CDCA7: variants seen among roughly 807,000 people sequenced by gnomAD.
CDCA7 encodes cell division cycle associated 7.
A neutral mutation model predicts 54.0 loss-of-function variants in CDCA7; 28 were observed. The observed-to-expected ratio is 0.52, with a 90% CI of 0.38 to 0.71. The LOEUF is 0.71. Ranked by LOEUF, CDCA7 falls within the 30% of genes least tolerant of loss-of-function variation. The probability of loss-of-function intolerance (pLI) is 0.00; values close to 1 mark genes in which losing one functional copy is unlikely to be tolerated. For missense variants in CDCA7, 484 were observed against 586.0 expected, an observed-to-expected ratio of 0.83 and a Z score of 1.80; for synonymous variants, 180 against 208.2, an observed-to-expected ratio of 0.86 and a Z score of 1.16.
chr2:173,362,183 TA>T (rs1294281019), intron 3 of CDCA7, among the ~76,000 whole-genome samples: 1 of 152,228 alleles, frequency 6.6e-6, no homozygotes, highest in Non-Finnish European at 1.5e-5. Flanking sequence ...GATGAAAACC[TA>T]TATTACTTTT....
Position 173,364,922 on chromosome 2 carries a change from A to T in CDCA7, c.827A>T (p.Glu276Val), listed in dbSNP as rs535908062. The T allele has an allele frequency of 6.2e-7, 1 of 1,600,376 alleles. No homozygotes were observed. The highest frequency in any genetic ancestry group is 1.3e-5 in the African/African-American group (1 of 74,168). Residue 276 changes from glutamate (E) to valine (V), a missense_variant, in exon 6 of 10, where the codon GAG becomes GTG. By Grantham distance (121) the Glu-to-Val change is moderately radical. Around this residue, in one of 3 missense-constraint regions of CDCA7, gnomAD observed 398 missense variants for 447.4 expected, o/e 0.89. Coordinates refer to ENST00000306721, the MANE Select transcript of CDCA7 (RefSeq NM_031942.5). Reference protein sequence around the residue: ...ILGSLDALPMEEEEEEDKYML... With the variant: ...ILGSLDALPMVEEEEEDKYML... Reference sequence around the variant, plus strand: ...GGGTCCCTTGACGCTCTACCCATGGAGGAGGAGGAGGAAGAGGATAAGTAC... The same window carrying T: ...GGGTCCCTTGACGCTCTACCCATGGTGGAGGAGGAGGAAGAGGATAAGTAC...
chr2:173,368,324 A>G lies in CDCA7; in HGVS notation c.*660A>G, dbSNP rs1435805898. On this transcript the variant is annotated 3_prime_UTR_variant, in exon 10 of 10. Transcript: ENST00000306721. ...CGTCCAGCTTACACAATCATAATTCAAAGGTTGGTGGGCAATGTAATACTT... is the reference window on the plus strand; with the variant it reads ...CGTCCAGCTTACACAATCATAATTCGAAGGTTGGTGGGCAATGTAATACTT... 2.6e-5 allele frequency: 4 copies of G among 152,248 alleles called. No individual in the cohort carries two copies. Among genetic ancestry groups the G allele is most frequent in the Non-Finnish European group, 4.4e-5 (3 of 68,074 alleles). The allele number at this position is 152,248 out of a possible 1,614,324, so 9.4% of individuals were successfully genotyped here.
rs1686704241 is a variant in CDCA7, at chr2:173,365,544, G to A, written c.987G>A (p.Leu329=). The change falls in exon 7 of 10, where the codon TTG becomes TTA. Residue 329 remains leucine (L), a synonymous_variant. Transcript: ENST00000306721. The part of the protein sequence containing the change: ...RPVEEITEEE[L]ENVCSNSREK... ...TGGAAGAAATTACAGAGGAGGAGTT[G>A]GAGAACGTCTGCAGCAATTCTCGAG... is the stretch of plus-strand genomic sequence containing the variant. The A allele has an allele frequency of 6.2e-7, 1 of 1,614,162 alleles. No individual in the cohort carries two copies. Among genetic ancestry groups the A allele is most frequent in the African/African-American group, 1.3e-5 (1 of 75,046 alleles).
chr2:173,357,407 C>T (rs1489607290), intron 1 of CDCA7, among the ~76,000 whole-genome samples: 2 of 152,314 alleles, frequency 1.3e-5, no homozygotes, highest in East Asian at 3.9e-4. Context: ...AATCCGGTAT[C>T]CCACCTGCAT....
chr2:173,362,639 G>A (rs1323328842), intron 3 of CDCA7, among the ~76,000 whole-genome samples: 4 of 148,520 alleles, frequency 2.7e-5, no homozygotes, highest in African/African-American at 7.5e-5. Flanking sequence ...ACAGTGGCAC[G>A]AACACGGCTC....
chr2:173,367,765 C>T lies in CDCA7; in HGVS notation c.*101C>T. ...CTGAGTTAAAAATCTTGATGATCAG[C>T]CTGTTTCATAAGAAACTCCAATCAA... On this transcript the variant is annotated 3_prime_UTR_variant, in exon 10 of 10. Transcript: ENST00000306721. The T allele has an allele frequency of 1.6e-6, 2 of 1,233,516 alleles. No individual in the cohort carries two copies. The highest frequency in any genetic ancestry group is 2.4e-6 in the Non-Finnish European group (2 of 836,250). The allele number at this position is 1,233,516 out of a possible 1,614,324, so 76.4% of individuals were successfully genotyped here.
chr2:173,356,402 T>C (rs1276187608), intron 1 of CDCA7, among the ~76,000 whole-genome samples: 1 of 152,198 alleles, frequency 6.6e-6, no homozygotes, highest in Admixed American at 6.5e-5. Context: ...AGTAATGCGA[T>C]GAACACTGCT....
rs1558951985 is a variant in CDCA7 at position 173,367,658 on chromosome 2, A to G, written c.1347A>G (p.Gln449=). Reference sequence around the variant, plus strand: ...GCCTGAAACAGGAATTTGAAATGCAAGCATAATATCTGGAAAATTTGCTGC... The same window carrying G: ...GCCTGAAACAGGAATTTGAAATGCAGGCATAATATCTGGAAAATTTGCTGC... The part of the protein sequence containing the change: ...LKSLKQEFEM[Q]A The change falls in exon 10 of 10, where the codon CAA becomes CAG. Residue 449 remains glutamine, a synonymous_variant. Transcript: ENST00000306721. 6.2e-7 allele frequency: 1 copy of G among 1,614,200 alleles called. No homozygotes were observed. Among genetic ancestry groups the G allele is most frequent in the South Asian group, 1.1e-5 (1 of 91,080 alleles).
At chr2:173,364,364 C>A (rs1229497080) in intron 5 of CDCA7, 1 of 165,164 alleles carries the variant, frequency 6.1e-6, no homozygotes, top group African/African-American at 2.4e-5. Context: ...TTTGGTGTGT[C>A]TGCTGTGATA....
In CDCA7 at chr2:173,364,982, A is replaced by G. The variant is rs376689912; in HGVS notation, c.887A>G (p.Tyr296Cys). 5.1e-6 allele frequency: 8 copies of G among 1,574,920 alleles called. No homozygotes were observed. Among genetic ancestry groups the G allele is most frequent in the Non-Finnish European group, 6.9e-6 (8 of 1,166,620 alleles). The change falls in exon 6 of 10, where the codon TAC (tyrosine) becomes TGC (cysteine). Residue 296 changes from tyrosine to cysteine, a missense_variant. By Grantham distance (194) the Tyr-to-Cys change is radical. Around this residue, in one of 3 missense-constraint regions of CDCA7, gnomAD observed 398 missense variants for 447.4 expected, o/e 0.89. Transcript: ENST00000306721. The part of the protein sequence containing the change: ...LVRKRKTVDG[Y>C]MNEDDLPRSR... ...AGAAAGAGGAAGACCGTGGATGGCT[A>G]CATGAATGTGAGTTCTCCGCATTGG...
intron 6 of CDCA7, 63 bp from the exon 7 acceptor site, chr2:173,365,386 TCAG>T: frequency 6.6e-7 from 1 of 1,525,148 alleles, no homozygotes; most frequent in Admixed American, 2.0e-5. Flanking sequence ...ATCTGTTTTT[TCAG>T]TTTTGAATCT....
In CDCA7 at chr2:173,363,982, A is replaced by G. The variant is rs894164620; in HGVS notation, c.699+87A>G. ...TTGTATTTAAAAATCTAATTTCTTT[A>G]TTTGTGTGGCCTTCTAGACAAACGA... On this transcript the variant is annotated intron_variant, in intron 5 of 9. Transcript: ENST00000306721. The G allele has an allele frequency of 9.5e-6, 12 of 1,265,128 alleles. 1 individual carries two copies. The African/African-American group carries it at 1.7e-4, about 17-fold the overall frequency. 78.4% of individuals were successfully genotyped at this position (1,265,128 alleles called of 1,614,324 possible).
In CDCA7 at chr2:173,359,186, G is replaced by A. The variant is rs75662905; in HGVS notation, c.148-69G>A. On this transcript the variant is annotated intron_variant, in intron 2 of 9. Transcript: ENST00000306721. ...TGTAAATGTGATTTGCTCTCTGCAC[G>A]GTTTATGGAAAATTGGTTCTTGAAA... 18,527 of 1,296,100 alleles carry A rather than the reference G, an allele frequency of 0.014. 187 individuals carry two copies. Among genetic ancestry groups the A allele is most frequent in the Middle Eastern group, 0.028 (112 of 3,970 alleles). The allele number at this position is 1,296,100 out of a possible 1,614,324, so 80.3% of individuals were successfully genotyped here.
At chr2:173,360,225 G>A (rs968123146) in intron 3 of CDCA7, among the ~76,000 whole-genome samples, 2 of 152,208 alleles carry the variant, frequency 1.3e-5, no homozygotes, top group African/African-American at 4.8e-5. Flanking sequence ...AAGTGGCAGT[G>A]CCTGGCCAAG....
chr2:173,355,099 C>A, intron 1 of CDCA7, 115 bp downstream of exon 1: 1 of 1,158,952 alleles, frequency 8.6e-7, no homozygotes, highest in Non-Finnish European at 1.1e-6. Context: ...TGGTGGCCTG[C>A]CTAGGCGTTG....
chr2:173,363,852 C>A lies in CDCA7; in HGVS notation c.656C>A (p.Pro219His), dbSNP rs1209518944. The A allele has an allele frequency of 1.9e-6, 3 of 1,614,262 alleles. No homozygotes were observed. The Admixed American group carries it at 5.0e-5, about 27-fold the overall frequency. Residue 219 changes from proline to histidine, a missense_variant, in exon 5 of 10, where the codon CCT becomes CAT. Pro to His is a moderately conservative substitution (Grantham distance 77, BLOSUM62 -2). This residue lies in a region of CDCA7 where 398 missense variants were observed against 447.4 expected (regional missense o/e 0.89). Transcript: ENST00000306721. ...AKLMSELESFPGSFRGRHPLP... is the reference protein window; with the variant it reads ...AKLMSELESFHGSFRGRHPLP... ...CTCATGTCTGAATTAGAAAGCTTCC[C>A]TGGCTCGTTCCGTGGAAGACATCCC...
At chr2:173,365,777 T>C (rs1422507639) in intron 7 of CDCA7, among the ~76,000 whole-genome samples, 185 bp downstream of exon 7, 1 of 152,228 alleles carries the variant, frequency 6.6e-6, no homozygotes, top group South Asian at 2.1e-4. Flanking sequence ...CACAGTGGAA[T>C]TATCTGCTTA....
intron 1 of CDCA7, among the ~76,000 whole-genome samples, chr2:173,358,296 G>A (rs533874448): frequency 3.3e-5 from 5 of 152,030 alleles, no homozygotes; most frequent in African/African-American, 1.2e-4. Flanking sequence ...GGGAGGCTCC[G>A]GTGGGAGGAT....
Position 173,367,848 on chromosome 2 carries a change from A to G in CDCA7, c.*184A>G, listed in dbSNP as rs1317572932. 9.1e-6 allele frequency: 6 copies of G among 662,094 alleles called. No individual in the cohort carries two copies. The East Asian group carries it at 1.1e-4, about 12-fold the overall frequency. The allele number at this position is 662,094 out of a possible 1,614,324, so 41.0% of individuals were successfully genotyped here. On this transcript the variant is annotated 3_prime_UTR_variant, in exon 10 of 10. Transcript: ENST00000306721. ...TCACAGAAGGTATATTGCTAGTTAC[A>G]CTTTGCCCTCCTGCAGTTTCTTCTC...
Sources: allele counts gnomAD v4.1 joint callset (sites outside exome capture counted in the v4.1 genomes callset), GRCh38; gene constraint gnomAD v4.1.1; regional missense constraint gnomAD v4.1.1; transcripts MANE v1.5; gene names NCBI Gene and HGNC (gene_info 2026-07-23, HGNC 2026-07-21).